CERS6: variants seen among roughly 807,000 people sequenced by gnomAD.
CERS6 encodes the protein ceramide synthase 6, also known as LAG1 homolog, ceramide synthase 6.
Under a neutral mutation model 56.8 loss-of-function variants are expected in CERS6, and 26 were observed. The ratio of observed to expected loss-of-function variants is 0.46; its 90% confidence interval spans 0.34 to 0.63. CERS6 has a LOEUF of 0.63. Ranked by LOEUF, CERS6 falls within the 30% of genes least tolerant of loss-of-function variation. CERS6 has a pLI of 0.01. For synonymous variants in CERS6, 164 were observed against 173.3 expected (o/e 0.95, Z 0.42); for missense variants, 415 against 467.5 (o/e 0.89, Z 1.04).
chr2:168,732,497 C>T (rs1397357241), intron 8 of CERS6, among the ~76,000 whole-genome samples: 1 of 152,168 alleles, frequency 6.6e-6, no homozygotes, highest in Non-Finnish European at 1.5e-5. Context: ...ACTGTTTTCT[C>T]CCCAAATCAA....
rs141213369 is a variant in CERS6, at chr2:168,728,825, G to A, written c.845+10847G>A. Among the ~76,000 whole-genome samples the A allele has an allele frequency of 5.4e-3, 807 of 150,464 alleles. 8 individuals carry two copies. The highest frequency in any genetic ancestry group is 0.018 in the African/African-American group (753 of 41,042). On this transcript the variant is annotated intron_variant, in intron 8 of 9. Transcript: ENST00000305747. ...GTTTGAGACTGGCCTGGCCAACATGGTGAAACCCCATCTCTACTAAAAATA... is the reference window on the plus strand; with the variant it reads ...GTTTGAGACTGGCCTGGCCAACATGATGAAACCCCATCTCTACTAAAAATA...
At chr2:168,476,238 C>T (rs1694066693) in intron 1 of CERS6, among the ~76,000 whole-genome samples, 1 of 150,984 alleles carries the variant, frequency 6.6e-6, no homozygotes, top group Admixed American at 6.6e-5. Flanking sequence ...ACCCTTTTAT[C>T]ACCTTGCTCT....
intron 8 of CERS6, among the ~76,000 whole-genome samples, chr2:168,730,171 T>C (rs2105410712): frequency 6.6e-6 from 1 of 152,320 alleles, no homozygotes; most frequent in South Asian, 2.1e-4. Flanking sequence ...CACTGAATTG[T>C]TTTGATCAGA....
chr2:168,725,003 G>C (rs1380790013), intron 8 of CERS6, among the ~76,000 whole-genome samples: 1 of 152,234 alleles, frequency 6.6e-6, no homozygotes, highest in Non-Finnish European at 1.5e-5. Flanking sequence ...GGGGGTGGGA[G>C]GTTCAGGCAT....
intron 7 of CERS6, 39 bp downstream of exon 7, chr2:168,715,168 A>G (rs749744852): frequency 1.3e-6 from 2 of 1,587,950 alleles, no homozygotes; most frequent in South Asian, 1.1e-5. Context: ...ACAAAATCCA[A>G]AATTTAGGAA....
intron 3 of CERS6, among the ~76,000 whole-genome samples, chr2:168,595,041 A>C (rs1484812911): frequency 6.6e-6 from 1 of 152,196 alleles, no homozygotes; most frequent in African/African-American, 2.4e-5. Context: ...ACTGGCTTGC[A>C]GCTGACTCTT....
intron 1 of CERS6, among the ~76,000 whole-genome samples, chr2:168,508,368 G>T (rs763745163): frequency 6.6e-6 from 1 of 152,164 alleles, no homozygotes; most frequent in Non-Finnish European, 1.5e-5. Flanking sequence ...TGGGTTAATT[G>T]CATCCTCAGG....
chr2:168,460,793 C>T (rs1693764676), intron 1 of CERS6, among the ~76,000 whole-genome samples: 1 of 152,144 alleles, frequency 6.6e-6, no homozygotes, highest in African/African-American at 2.4e-5. Context: ...TGAGGAGTGT[C>T]ATCCTTTGGG....
At chr2:168,554,375 T>C (rs1695637843) in intron 2 of CERS6, among the ~76,000 whole-genome samples, 1 of 152,244 alleles carries the variant, frequency 6.6e-6, no homozygotes, top group Admixed American at 6.5e-5. Flanking sequence ...CCTCAGAATG[T>C]AACCTTATTT....
intron 8 of CERS6, among the ~76,000 whole-genome samples, chr2:168,743,338 T>C (rs1683983807): frequency 6.6e-6 from 1 of 152,016 alleles, no homozygotes; most frequent in African/African-American, 2.4e-5. Flanking sequence ...TGGAGCTTTA[T>C]ATATAAGAGT....
intron 3 of CERS6, among the ~76,000 whole-genome samples, chr2:168,629,850 CT>C (rs1356869404): frequency 6.6e-6 from 1 of 151,804 alleles, no homozygotes; most frequent in Non-Finnish European, 1.5e-5. Flanking sequence ...GAGTCTCACT[CT>C]GTTGCCCAGG....
At chr2:168,707,034 GC>G in intron 6 of CERS6, among the ~76,000 whole-genome samples, 1 of 152,194 alleles carries the variant, frequency 6.6e-6, no homozygotes, top group African/African-American at 2.4e-5. Context: ...GCCTATCTTT[GC>G]TGTAAAGTAG....
intron 4 of CERS6, among the ~76,000 whole-genome samples, chr2:168,685,833 A>T (rs1686334452): frequency 6.6e-6 from 1 of 151,832 alleles, no homozygotes; most frequent in African/African-American, 2.4e-5. Flanking sequence ...GTCTCAATTG[A>T]TGCCTCTGGG....
At chr2:168,702,576 G>A (rs1216237413) in intron 6 of CERS6, among the ~76,000 whole-genome samples, 2 of 152,116 alleles carry the variant, frequency 1.3e-5, no homozygotes, top group Admixed American at 6.5e-5. Context: ...ATTAACAAAT[G>A]TGATTTTCAA....
intron 4 of CERS6, among the ~76,000 whole-genome samples, chr2:168,649,222 C>G (rs1377547872): frequency 6.6e-6 from 1 of 152,086 alleles, no homozygotes; most frequent in Non-Finnish European, 1.5e-5. Flanking sequence ...CCCTGGCCCT[C>G]CGAGGTCTGT....
intron 6 of CERS6, among the ~76,000 whole-genome samples, chr2:168,711,577 T>C (rs1473731271): frequency 6.6e-6 from 1 of 151,618 alleles, no homozygotes. Context: ...CAACCGAAAA[T>C]ACAAAAATTA....
intron 4 of CERS6, among the ~76,000 whole-genome samples, chr2:168,645,140 TATAGAGAG>T (rs1294816372): frequency 1.0e-3 from 24 of 23,646 alleles, no homozygotes; most frequent in African/African-American, 2.8e-3. Context: ...TATATATATA[TATAGAGAG>T]AGAGAGAGAG....
intron 6 of CERS6, among the ~76,000 whole-genome samples, chr2:168,698,001 A>G (rs1686703369): frequency 6.6e-6 from 1 of 152,174 alleles, no homozygotes; most frequent in Non-Finnish European, 1.5e-5. Flanking sequence ...GCTGTAAAGA[A>G]GTACCTGTGG....
At chr2:168,682,716 A>G (rs1363691112) in intron 4 of CERS6, among the ~76,000 whole-genome samples, 1 of 152,204 alleles carries the variant, frequency 6.6e-6, no homozygotes, top group Non-Finnish European at 1.5e-5. Flanking sequence ...ATGCTGCGGC[A>G]TCCCTGTCCT....
Sources: allele counts gnomAD v4.1 joint callset (sites outside exome capture counted in the v4.1 genomes callset), GRCh38; gene constraint gnomAD v4.1.1; transcripts MANE v1.5; gene names NCBI Gene and HGNC (gene_info 2026-07-23, HGNC 2026-07-21).